DACH2: variants seen among roughly 807,000 people sequenced by gnomAD.
DACH2 encodes dachshund family transcription factor 2.
DACH2 carries 17 observed loss-of-function variants against 35.8 expected under a neutral mutation model. That is an observed-to-expected ratio of 0.48 (90% CI 0.33 to 0.71). The LOEUF (loss-of-function observed/expected upper bound fraction) is 0.71, where lower values mean the gene tolerates loss of function less well. Ranked by LOEUF, DACH2 falls within the 30% of genes least tolerant of loss-of-function variation. DACH2 has a pLI of 0.02. For synonymous variants in DACH2, 195 were observed against 177.3 expected, an observed-to-expected ratio of 1.10 and a Z score of -0.79; for missense variants, 469 against 472.7, an observed-to-expected ratio of 0.99 and a Z score of 0.07.
At chrX:86,244,513 C>T (rs1171131269) in intron 1 of DACH2, among the ~76,000 whole-genome samples, 1 of 111,781 alleles carries the variant, frequency 8.9e-6, no homozygotes. Flanking sequence ...ACTCAGGAGG[C>T]TGAAGTGGGA....
intron 1 of DACH2, among the ~76,000 whole-genome samples, chrX:86,339,873 A>C (rs2035383873): frequency 8.9e-6 from 1 of 112,180 alleles, no homozygotes; most frequent in Admixed American, 9.5e-5. Context: ...AATTCTAGAA[A>C]ATAATACATA....
At chrX:86,228,069 C>A (rs751483714) in intron 1 of DACH2, among the ~76,000 whole-genome samples, 1 of 109,875 alleles carries the variant, frequency 9.1e-6, no homozygotes, top group African/African-American at 3.3e-5. Flanking sequence ...ACTTATCACC[C>A]GAGCAGTACA....
chrX:86,153,762 T>C (rs1380852198), intron 1 of DACH2, among the ~76,000 whole-genome samples: 1 of 111,855 alleles, frequency 8.9e-6, no homozygotes, highest in African/African-American at 3.2e-5. Context: ...ATTATAATTA[T>C]ATGCCAATGC....
At chrX:86,307,734 G>T (rs2034718633) in intron 1 of DACH2, among the ~76,000 whole-genome samples, 2 of 111,255 alleles carry the variant, frequency 1.8e-5, no homozygotes, top group South Asian at 7.7e-4. Context: ...GCCCCTAGAG[G>T]TGAGGTTGAA....
chrX:86,194,671 T>A (rs1207089309), intron 1 of DACH2, among the ~76,000 whole-genome samples: 1 of 112,477 alleles, frequency 8.9e-6, no homozygotes, highest in Non-Finnish European at 1.9e-5. Context: ...ACACTTGAGT[T>A]GGCAGGGAGA....
intron 3 of DACH2, among the ~76,000 whole-genome samples, chrX:86,644,322 A>C (rs1226655350): frequency 9.0e-6 from 1 of 111,466 alleles, no homozygotes; most frequent in African/African-American, 3.3e-5. Flanking sequence ...CCCACTTATA[A>C]TTGTCACAAG....
intron 1 of DACH2, among the ~76,000 whole-genome samples, chrX:86,239,802 G>A (rs1240316629): frequency 8.9e-6 from 1 of 112,064 alleles, no homozygotes; most frequent in Middle Eastern, 4.6e-3. Context: ...AGCAAGCAGA[G>A]TATGAGAGTT....
rs1195367571 is a variant in DACH2 at position 86,514,136 on chromosome X, T to C, written c.528-143T>C. 1.3e-5 allele frequency: 7 copies of C among 539,192 alleles called. No individual in the cohort carries two copies. In the Admixed American group the frequency reaches 2.4e-4, roughly 18 times the overall value. The allele number at this position is 539,192 out of a possible 1,213,427, so 44.4% of individuals were successfully genotyped here. A position where few individuals can be genotyped will look rare whatever the true frequency, so the allele number is the denominator to read the frequency against. On this transcript the variant is annotated intron_variant, in intron 2 of 11. Coordinates refer to ENST00000373125, the MANE Select transcript of DACH2 (RefSeq NM_053281.3). ...GGAAAGTAAAGAATTGGTCTCTTAG[T>C]AATCCACGAAAATAGTCTTTAATGT...
chrX:86,154,560 C>A (rs1450396148), intron 1 of DACH2, among the ~76,000 whole-genome samples: 1 of 111,394 alleles, frequency 9.0e-6, no homozygotes, highest in Non-Finnish European at 1.9e-5. Flanking sequence ...AGCATTTGTA[C>A]CCAATAAGCC....
At chrX:86,610,690 T>A (rs2148368630) in intron 3 of DACH2, among the ~76,000 whole-genome samples, 1 of 110,264 alleles carries the variant, frequency 9.1e-6, no homozygotes, top group African/African-American at 3.3e-5. Context: ...TCAAGCAATC[T>A]GCCCACCTCA....
intron 5 of DACH2, among the ~76,000 whole-genome samples, chrX:86,699,083 C>T (rs1252333750): frequency 2.7e-5 from 3 of 111,603 alleles, no homozygotes; most frequent in Admixed American, 1.9e-4. Context: ...TACTACTAGA[C>T]CTAGGAAAAG....
intron 1 of DACH2, among the ~76,000 whole-genome samples, chrX:86,204,867 T>A (rs1345206968): frequency 6.3e-5 from 7 of 111,867 alleles, no homozygotes; most frequent in Non-Finnish European, 1.1e-4. Context: ...CACATCAAAT[T>A]GTTTCAAAAT....
At chrX:86,415,365 T>C (rs1256818249) in intron 2 of DACH2, among the ~76,000 whole-genome samples, 1 of 111,852 alleles carries the variant, frequency 8.9e-6, no homozygotes, top group Non-Finnish European at 1.9e-5. Flanking sequence ...ATAGCTCTAT[T>C]GAAAGCAAGC....
At chrX:86,759,794 T>C (rs1355164081) in intron 7 of DACH2, among the ~76,000 whole-genome samples, 2 of 111,590 alleles carry the variant, frequency 1.8e-5, no homozygotes, top group Non-Finnish European at 3.8e-5. Context: ...GCTTTTGCAC[T>C]AGCTCTACCA....
intron 3 of DACH2, among the ~76,000 whole-genome samples, chrX:86,550,417 G>T (rs1320906440): frequency 9.0e-6 from 1 of 111,205 alleles, no homozygotes; most frequent in Non-Finnish European, 1.9e-5. Context: ...TAGAATAACA[G>T]CTTCTAGGAG....
intron 1 of DACH2, among the ~76,000 whole-genome samples, chrX:86,337,613 C>A (rs142550275): frequency 0.02 from 2,210 of 111,942 alleles, 46 homozygotes; most frequent in African/African-American, 0.068. Flanking sequence ...AAAACATACC[C>A]AATTGTAAAG....
chrX:86,682,037 T>C (rs1268872533), intron 4 of DACH2, among the ~76,000 whole-genome samples: 1 of 111,289 alleles, frequency 9.0e-6, no homozygotes, highest in African/African-American at 3.3e-5. Flanking sequence ...TTAAAAAGAC[T>C]TCACTTTAAA....
intron 2 of DACH2, among the ~76,000 whole-genome samples, chrX:86,379,977 CTTTAG>C (rs1303689067): frequency 9.0e-6 from 1 of 110,505 alleles, no homozygotes; most frequent in Non-Finnish European, 1.9e-5. Context: ...AATTAAGGAT[CTTTAG>C]TTAAGTGGTT....
intron 7 of DACH2, among the ~76,000 whole-genome samples, chrX:86,806,380 C>T (rs757000511): frequency 7.3e-4 from 81 of 111,023 alleles, no homozygotes; most frequent in African/African-American, 2.5e-3. Context: ...AACTCCACTC[C>T]CACGATCCAA....
Sources: gnomAD v4.1 joint callset for allele counts (sites outside exome capture counted in the v4.1 genomes callset) on GRCh38, gnomAD v4.1.1 for gene constraint, MANE v1.5 for transcripts, NCBI Gene and HGNC (gene_info 2026-07-23, HGNC 2026-07-21) for gene names.